HSPA9: variants seen among roughly 807,000 people sequenced by gnomAD.
HSPA9 encodes the protein heat shock protein family A (Hsp70) member 9, also known as stress-70 protein, mitochondrial.
A neutral mutation model predicts 81.5 loss-of-function variants in HSPA9; 28 were observed. The ratio of observed to expected loss-of-function variants is 0.34; its 90% CI spans 0.25 to 0.47. The LOEUF is 0.47. HSPA9 is among the 20% of genes least tolerant of loss of function. The pLI is 1.00. For synonymous variants in HSPA9, 293 were observed against 290.4 expected (o/e 1.01, Z -0.09); for missense variants, 678 against 838.0 (o/e 0.81, Z 2.36).
rs1227123057 is a variant in HSPA9 at position 138,556,316 on chromosome 5, C to T, written c.1962+136G>A. ...CTCCAATGCCAAAGTAGAGTCAAGA[C>T]GGCAGGAGACTATCTCCCAACTCTA... On this transcript the variant is annotated intron_variant, in intron 16 of 16. Transcript: ENST00000297185. 5.3e-5 allele frequency: 63 copies of T among 1,194,750 alleles called. No individual in the cohort carries two copies. The Middle Eastern group carries it at 6.7e-4, about 13-fold the overall frequency. 74.0% of individuals were successfully genotyped at this position (1,194,750 alleles called of 1,614,324 possible). A position where few individuals can be genotyped will look rare whatever the true frequency, so the allele number is the denominator to read the frequency against.
At chr5:138,566,857 G>A in intron 8 of HSPA9, 139 bp from the exon 9 acceptor site, 1 of 1,136,336 alleles carries the variant, frequency 8.8e-7, no homozygotes, top group Non-Finnish European at 1.3e-6. Flanking sequence ...CCCTTAATGT[G>A]TAGGGAAAAA....
chr5:138,566,958 T>C, intron 8 of HSPA9, 43 bp downstream of exon 8: 1 of 1,590,652 alleles, frequency 6.3e-7, no homozygotes, highest in Non-Finnish European at 8.6e-7. Context: ...AAAGAATTTC[T>C]CAATATCCCA....
chr5:138,558,607 A>T lies in HSPA9; in HGVS notation c.1461T>A (p.Cys487Ter). Reference protein sequence around the residue: ...DGQTQVEIKVCQGEREMAGDN... With the variant: ...DGQTQVEIKV ...CTCCAGCCATCTCTCTTTCACCCTG[A>T]CACACTTTAATTTCCACTTGCGTTT... Residue 487 changes from cysteine to a stop codon, truncating the protein, a stop_gained, in exon 12 of 17, where the codon TGT becomes TGA. Coordinates refer to ENST00000297185, the MANE Select transcript of HSPA9 (RefSeq NM_004134.7). LOFTEE classifies it high-confidence loss of function. 3 of 1,613,982 alleles carry T rather than the reference A, an allele frequency of 1.9e-6. No homozygotes were observed. Among genetic ancestry groups the T allele is most frequent in the Non-Finnish European group, 2.5e-6 (3 of 1,179,866 alleles).
At position 138,569,054 on chromosome 5, in the gene HSPA9, A is replaced by G. The variant is rs1324660270; in HGVS notation, c.411-5T>C. The G allele has an allele frequency of 6.2e-7, 1 of 1,613,248 alleles. No individual in the cohort carries two copies. The highest frequency in any genetic ancestry group is 1.1e-5 in the South Asian group (1 of 91,070). On this transcript the variant is annotated splice_region_variant and splice_polypyrimidine_tract_variant and intron_variant, in intron 4 of 16. Transcript: ENST00000297185. ...ATTTTAAAGGGAACATTTTTACTGT[A>G]AGACACAAAAATTCTATTAGAGAAA...
rs1750464219 is a variant in HSPA9 at position 138,553,797 on chromosome 5, C to T, written c.*2240G>A. The stretch of plus-strand genomic sequence containing the variant: ...TAGTTAATTTTATGTGTCAGTTTAG[C>T]CATTGATGCCATTTAACGGGTTAAA... On this transcript the variant is annotated 3_prime_UTR_variant, in exon 17 of 17. Coordinates refer to ENST00000297185, the MANE Select transcript of HSPA9 (RefSeq NM_004134.7). 6.6e-6 allele frequency among the ~76,000 whole-genome samples: 1 copy of T among 152,144 alleles called. No individual in the cohort carries two copies. The highest frequency in any genetic ancestry group is 2.1e-4 in the South Asian group (1 of 4,822).
At position 138,558,608 on chromosome 5, in the gene HSPA9, C is replaced by T. The variant is rs758183553; in HGVS notation, c.1460G>A (p.Cys487Tyr). ...TCCAGCCATCTCTCTTTCACCCTGA[C>T]ACACTTTAATTTCCACTTGCGTTTG... ...DGQTQVEIKV[C>Y]QGEREMAGDN... The change falls in exon 12 of 17, where the codon TGT becomes TAT. Residue 487 changes from cysteine to tyrosine, a missense_variant. Around this residue, in one of 4 missense-constraint regions of HSPA9, gnomAD observed 484 missense variants for 647.5 expected, o/e 0.75. Transcript: ENST00000297185. The T allele has an allele frequency of 2.5e-6, 4 of 1,613,856 alleles. No homozygotes were observed.
chr5:138,559,694 C>CA, intron 11 of HSPA9, 170 bp downstream of exon 11: 1 of 631,730 alleles, frequency 1.6e-6, no homozygotes. Context: ...AACAAAAAAA[C>CA]AAAAAACAAA....
intron 3 of HSPA9, 113 bp downstream of exon 3, chr5:138,573,641 CAAAAAAAAA>C (rs57776368): frequency 1.3e-3 from 407 of 304,008 alleles, no homozygotes; most frequent in East Asian, 3.2e-3. Context: ...AGACTGTCTC[CAAAAAAAAA>C]AAAAAAAAAA....
rs1327219171 is a variant in HSPA9, at chr5:138,575,396, G to A, written c.-78C>T. On this transcript the variant is annotated 5_prime_UTR_variant, in exon 1 of 17. Transcript: ENST00000297185. Reference sequence around the variant, plus strand: ...AGCTGCGCGATGCGGTGGCGGCAGCGCTTCTGGAAACCTCCAACCACGTGG... The same window carrying A: ...AGCTGCGCGATGCGGTGGCGGCAGCACTTCTGGAAACCTCCAACCACGTGG... The A allele has an allele frequency of 1.6e-5, 21 of 1,285,622 alleles. No individual in the cohort carries two copies. The highest frequency in any genetic ancestry group is 1.1e-4 in the Admixed American group (6 of 53,022). The allele number at this position is 1,285,622 out of a possible 1,614,324, so 79.6% of individuals were successfully genotyped here. A position where few individuals can be genotyped will look rare whatever the true frequency, so the allele number is the denominator to read the frequency against.
rs181964295 is a variant in HSPA9 at position 138,569,704 on chromosome 5, T to A, written c.411-655A>T. ...AGCTCAATAAAGCTGTTTAAATTTT[T>A]AAAAATATTTAGTTTATATATATAT... On this transcript the variant is annotated intron_variant, in intron 4 of 16. Coordinates refer to ENST00000297185, the MANE Select transcript of HSPA9 (RefSeq NM_004134.7). Among the ~76,000 whole-genome samples, 253 of 152,252 alleles carry A rather than the reference T, an allele frequency of 1.7e-3. 3 individuals carry two copies. The highest frequency in any genetic ancestry group is 5.9e-3 in the African/African-American group (246 of 41,542).
chr5:138,574,508 T>G (rs912936938), intron 1 of HSPA9, among the ~76,000 whole-genome samples: 5 of 152,196 alleles, frequency 3.3e-5, no homozygotes, highest in Admixed American at 3.3e-4. Context: ...CCCCTTACCT[T>G]GCCGTGCAAT....
intron 2 of HSPA9, 107 bp from the exon 3 acceptor site, chr5:138,573,957 T>G: frequency 8.0e-7 from 1 of 1,254,460 alleles, no homozygotes; most frequent in South Asian, 1.2e-5. Flanking sequence ...CTACATAATC[T>G]CTAAATAAAT....
rs1750490247 is a variant in HSPA9, at chr5:138,555,053, TCA to T, written c.*982_*983del. ...TTTCATGTTAGAGATCTAAAAACTT[TCA>T]TGTTAGAGATCTAGAAACTTTCATG... On this transcript the variant is annotated 3_prime_UTR_variant, in exon 17 of 17. Transcript: ENST00000297185. 1 of 146,294 alleles carries T rather than the reference TCA, an allele frequency of 6.8e-6. No homozygotes were observed. Among genetic ancestry groups the T allele is most frequent in the Non-Finnish European group, 1.5e-5 (1 of 67,390 alleles). The allele number at this position is 146,294 out of a possible 1,614,324, so 9.1% of individuals were successfully genotyped here.
At chr5:138,568,237 C>T (rs1159026228) in intron 5 of HSPA9, among the ~76,000 whole-genome samples, 1 of 150,870 alleles carries the variant, frequency 6.6e-6, no homozygotes, top group Non-Finnish European at 1.5e-5. Context: ...TGGCTCATGC[C>T]TGTAATCCCA....
chr5:138,554,456 T>C lies in HSPA9; in HGVS notation c.*1581A>G, dbSNP rs934923266. ...CTACAATGTTCCCATTGAGTGTTCA[T>C]GTGGTTGGAAACCTGAGCCTAGAAT... On this transcript the variant is annotated 3_prime_UTR_variant, in exon 17 of 17. Coordinates refer to ENST00000297185, the MANE Select transcript of HSPA9 (RefSeq NM_004134.7). 1.3e-5 allele frequency among the ~76,000 whole-genome samples: 2 copies of C among 152,244 alleles called. No homozygotes were observed. The highest frequency in any genetic ancestry group is 2.9e-5 in the Non-Finnish European group (2 of 68,034).
chr5:138,570,829 A>AT (rs2127160960), intron 4 of HSPA9, 131 bp downstream of exon 4: 1 of 879,130 alleles, frequency 1.1e-6, no homozygotes, highest in Non-Finnish European at 1.9e-6. Context: ...AGTGGTACAG[A>AT]TTTCCCCTAG....
chr5:138,572,791 T>C (rs1235286243), intron 3 of HSPA9, among the ~76,000 whole-genome samples: 1 of 152,236 alleles, frequency 6.6e-6, no homozygotes, highest in African/African-American at 2.4e-5. Context: ...ATATGCCTGA[T>C]ATCTGTGGCC....
chr5:138,566,227 C>G (rs941424078), intron 9 of HSPA9, among the ~76,000 whole-genome samples: 19 of 142,708 alleles, frequency 1.3e-4, no homozygotes, highest in Admixed American at 4.9e-4. Flanking sequence ...CACTCAGAGA[C>G]TCTCCAATTC....
At chr5:138,568,369 C>T (rs919687747) in intron 5 of HSPA9, among the ~76,000 whole-genome samples, 3 of 151,340 alleles carry the variant, frequency 2.0e-5, no homozygotes, top group Admixed American at 1.3e-4. Context: ...GGCATGATGG[C>T]GCATGCCTGT....
Sources: allele counts gnomAD v4.1 joint callset (sites outside exome capture counted in the v4.1 genomes callset), GRCh38; gene constraint gnomAD v4.1.1; regional missense constraint gnomAD v4.1.1; transcripts MANE v1.5; gene names NCBI Gene and HGNC (gene_info 2026-07-23, HGNC 2026-07-21).